The following PTPN13 variants were observed in gnomAD, a reference collection of about 807,000 sequenced individuals.
PTPN13 encodes tyrosine-protein phosphatase non-receptor type 13.
A neutral mutation model predicts 284.0 loss-of-function variants in PTPN13; 191 were observed. That is an observed-to-expected ratio of 0.67 (90% CI 0.60 to 0.76). The LOEUF is 0.76. Ranked by LOEUF, PTPN13 falls within the 30% of genes least tolerant of loss-of-function variation. The probability of loss-of-function intolerance (pLI) is 0.00; values close to 1 mark genes in which losing one functional copy is unlikely to be tolerated. For synonymous variants in PTPN13, 986 were observed against 1,022.3 expected (o/e 0.96, Z 0.68); for missense variants, 2,797 against 2,939.9 (o/e 0.95, Z 1.12).
intron 2 of PTPN13, among the ~76,000 whole-genome samples, chr4:86,637,565 C>T (rs1405354791): frequency 3.3e-5 from 5 of 150,996 alleles, no homozygotes; most frequent in Non-Finnish European, 5.9e-5. Flanking sequence ...ATAAACAGAA[C>T]CAAAGACAAA....
At chr4:86,662,492 C>A (rs993093005) in intron 2 of PTPN13, among the ~76,000 whole-genome samples, 2 of 152,078 alleles carry the variant, frequency 1.3e-5, no homozygotes, top group African/African-American at 4.8e-5. Flanking sequence ...CCACCACGCC[C>A]AGCTAATTTT....
intron 2 of PTPN13, among the ~76,000 whole-genome samples, chr4:86,650,318 T>C (rs2148802611): frequency 6.6e-6 from 1 of 151,928 alleles, no homozygotes; most frequent in South Asian, 2.1e-4. Flanking sequence ...TGTGTTTTCG[T>C]TTTTTCGTTT....
chr4:86,773,262 G>A (rs1247265902), intron 32 of PTPN13, among the ~76,000 whole-genome samples: 1 of 152,174 alleles, frequency 6.6e-6, no homozygotes, highest in Admixed American at 6.5e-5. Context: ...ACCTCACAGG[G>A]TTGTGGTGAA....
chr4:86,803,747 C>G lies in PTPN13; in HGVS notation c.6544C>G (p.Pro2182Ala). The change falls in exon 43 of 48, where the codon CCT becomes GCT. Residue 2182 changes from proline (P) to alanine (A), a missense_variant. Transcript: ENST00000411767. ...FLTNDELAVL[P>A]VVKVLPSGKY... ...GACAAACGATGAGCTCGCTGTACTCCCTGTCGTCAAAGTGCTTCCCTCTGG... is the reference window on the plus strand; with the variant it reads ...GACAAACGATGAGCTCGCTGTACTCGCTGTCGTCAAAGTGCTTCCCTCTGG... The G allele has an allele frequency of 6.2e-7, 1 of 1,613,770 alleles. No homozygotes were observed. Among genetic ancestry groups the G allele is most frequent in the Non-Finnish European group, 8.5e-7 (1 of 1,179,780 alleles).
chr4:86,809,305 C>T (rs1744969690), intron 45 of PTPN13, among the ~76,000 whole-genome samples: 1 of 152,172 alleles, frequency 6.6e-6, no homozygotes, highest in South Asian at 2.1e-4. Flanking sequence ...TGATAGAGGC[C>T]TTCCATGTTT....
chr4:86,646,692 CT>C (rs1449130354), intron 2 of PTPN13, among the ~76,000 whole-genome samples: 1 of 152,182 alleles, frequency 6.6e-6, no homozygotes, highest in Non-Finnish European at 1.5e-5. Flanking sequence ...TTAAATATAC[CT>C]GCCATATACA....
chr4:86,803,209 C>T (rs1329846443), intron 42 of PTPN13, among the ~76,000 whole-genome samples: 1 of 150,324 alleles, frequency 6.7e-6, no homozygotes, highest in Non-Finnish European at 1.5e-5. Flanking sequence ...TATATATACA[C>T]ACACATATAT....
intron 42 of PTPN13, among the ~76,000 whole-genome samples, chr4:86,800,341 AT>A (rs374508024): frequency 0.072 from 10,182 of 141,720 alleles, 459 homozygotes; most frequent in Non-Finnish European, 0.11. Flanking sequence ...AGCAAAGTCT[AT>A]TTTTTTTTTT....
chr4:86,762,705 A>C, intron 23 of PTPN13, 22 bp from the exon 24 acceptor site: 1 of 1,533,620 alleles, frequency 6.5e-7, no homozygotes, highest in South Asian at 1.1e-5. Context: ...TGTTACTCTC[A>C]TTGATGGATT....
chr4:86,618,026 C>G (rs1414841015), intron 1 of PTPN13, among the ~76,000 whole-genome samples: 2 of 151,844 alleles, frequency 1.3e-5, no homozygotes, highest in Non-Finnish European at 2.9e-5. Context: ...ATGGTAATAC[C>G]AAGGGTTTTC....
intron 37 of PTPN13, among the ~76,000 whole-genome samples, chr4:86,783,013 A>G (rs568302169): frequency 6.6e-5 from 10 of 152,206 alleles, no homozygotes; most frequent in Non-Finnish European, 1.3e-4. Context: ...GAACTTCAAT[A>G]TGGAATGGCT....
Position 86,726,190 on chromosome 4 carries a change from G to T in PTPN13, c.1608+3756G>T, listed in dbSNP as rs1734231281. Among the ~76,000 whole-genome samples the T allele has an allele frequency of 2.0e-5, 3 of 149,422 alleles. No homozygotes were observed. The South Asian group carries it at 6.4e-4, about 32-fold the overall frequency. On this transcript the variant is annotated intron_variant, in intron 10 of 47. Transcript: ENST00000411767. ...TCCATTGGTCTATATCTCTGTTTTG[G>T]TACCAGTACCATGCTGTTTTGGTTA...
At position 86,814,624 on chromosome 4, in the gene PTPN13, A is replaced by C; in HGVS notation, c.*73A>C. 2.4e-6 allele frequency: 3 copies of C among 1,248,884 alleles called. No homozygotes were observed. The highest frequency in any genetic ancestry group is 2.6e-5 in the South Asian group (2 of 76,392). 77.4% of individuals were successfully genotyped at this position (1,248,884 alleles called of 1,614,324 possible). ...AGCAGACTCCTGCTCTCTATCCAAAATAAAGATCACAGAGCAGCAAGTTCA... is the reference window on the plus strand; with the variant it reads ...AGCAGACTCCTGCTCTCTATCCAAACTAAAGATCACAGAGCAGCAAGTTCA... On this transcript the variant is annotated 3_prime_UTR_variant, in exon 48 of 48. Coordinates refer to ENST00000411767, the MANE Select transcript of PTPN13 (RefSeq NM_080683.3).
intron 6 of PTPN13, among the ~76,000 whole-genome samples, chr4:86,700,320 T>C (rs10516775): frequency 0.049 from 7,519 of 152,232 alleles, 255 homozygotes; most frequent in African/African-American, 0.071. Context: ...TCAGTGTTTA[T>C]GGGCTATTGA....
At chr4:86,673,704 T>A (rs1175075284) in intron 3 of PTPN13, among the ~76,000 whole-genome samples, 2 of 151,740 alleles carry the variant, frequency 1.3e-5, no homozygotes, top group Non-Finnish European at 1.5e-5. Flanking sequence ...ATTGGGGAGT[T>A]GTTGTTGTTT....
intron 36 of PTPN13, among the ~76,000 whole-genome samples, chr4:86,780,749 A>G (rs1453459465): frequency 6.6e-6 from 1 of 152,236 alleles, no homozygotes; most frequent in East Asian, 1.9e-4. Flanking sequence ...TGGTTGTAAT[A>G]TATCCAAACA....
At position 86,769,879 on chromosome 4, in the gene PTPN13, A is replaced by G. The variant is rs1739782603; in HGVS notation, c.4600A>G (p.Lys1534Glu). The G allele has an allele frequency of 6.2e-7, 1 of 1,613,970 alleles. No homozygotes were observed. The highest frequency in any genetic ancestry group is 8.5e-7 in the Non-Finnish European group (1 of 1,179,840). The change falls in exon 29 of 48, where the codon AAA (lysine) becomes GAA (glutamate). Residue 1534 changes from lysine to glutamate, a missense_variant. Coordinates refer to ENST00000411767, the MANE Select transcript of PTPN13 (RefSeq NM_080683.3). The part of the protein sequence containing the change: ...EQINASIVRV[K>E]KLFPGQPAAE... ...AATTAATGCCAGCATAGTAAGGGTT[A>G]AAAAGCTCTTTCCTGGACAGCCAGC...
At chr4:86,753,308 C>G (rs1737597093) in intron 20 of PTPN13, among the ~76,000 whole-genome samples, 1 of 151,964 alleles carries the variant, frequency 6.6e-6, no homozygotes, top group South Asian at 2.1e-4. Context: ...GATAATAGTT[C>G]AGGTGGGAGA....
At position 86,806,789 on chromosome 4, in the gene PTPN13, TGAAATA is replaced by T. The variant is rs1002241285; in HGVS notation, c.6746-758_6746-753del. ...ATTACCAGTTAAATTTATAGATATT[TGAAATA>T]GAAATAGAAATAACTTCTAAGGTAT... On this transcript the variant is annotated intron_variant, in intron 44 of 47. Transcript: ENST00000411767. Among the ~76,000 whole-genome samples the T allele has an allele frequency of 2.6e-5, 4 of 152,138 alleles. 1 individual carries two copies. The East Asian group carries it at 5.8e-4, about 22-fold the overall frequency.
Sources: gnomAD v4.1 joint callset for allele counts (sites outside exome capture counted in the v4.1 genomes callset) on GRCh38, gnomAD v4.1.1 for gene constraint, MANE v1.5 for transcripts, NCBI Gene and HGNC (gene_info 2026-07-23, HGNC 2026-07-21) for gene names.